Variants in CDK14 observed in about 807,000 individuals in gnomAD.
The protein encoded by CDK14 is cyclin dependent kinase 14.
CDK14 carries 34 observed loss-of-function variants against 60.7 expected under a neutral mutation model. That is an observed-to-expected ratio of 0.56 (90% CI 0.43 to 0.75). The LOEUF is 0.75. CDK14 is among the 30% of genes least tolerant of loss of function. CDK14 has a pLI of 0.00. For missense variants in CDK14, 482 were observed against 564.1 expected (o/e 0.85, Z 1.47); for synonymous variants, 197 against 203.7 (o/e 0.97, Z 0.28).
intron 9 of CDK14, among the ~76,000 whole-genome samples, chr7:90,956,591 G>A (rs1794419741): frequency 6.6e-6 from 1 of 151,970 alleles, no homozygotes; most frequent in Admixed American, 6.6e-5. Flanking sequence ...CATAGCACAT[G>A]GCTATTTTTT....
chr7:90,863,366 A>G (rs1189983004), intron 6 of CDK14, 97 bp downstream of exon 6: 1 of 622,226 alleles, frequency 1.6e-6, no homozygotes, highest in Non-Finnish European at 2.8e-6. Context: ...GCTGTACTGA[A>G]GTTAATATTT....
chr7:91,170,769 CTT>C (rs1327491575), intron 14 of CDK14, among the ~76,000 whole-genome samples: 7 of 123,952 alleles, frequency 5.6e-5, no homozygotes, highest in Non-Finnish European at 6.9e-5. Context: ...TTTTTTTTTT[CTT>C]TTTTTTTTTT....
chr7:90,700,664 T>G (rs758435710), intron 2 of CDK14, among the ~76,000 whole-genome samples: 2 of 152,306 alleles, frequency 1.3e-5, no homozygotes, highest in South Asian at 4.1e-4. Context: ...TGGATATACA[T>G]GCATCTCCAA....
chr7:91,041,440 C>T (rs1797088669), intron 10 of CDK14, among the ~76,000 whole-genome samples: 1 of 152,146 alleles, frequency 6.6e-6, no homozygotes, highest in South Asian at 2.1e-4. Context: ...CAGAATGAAA[C>T]TCATTGCCCT....
At chr7:90,761,240 C>G (rs556370263) in intron 4 of CDK14, among the ~76,000 whole-genome samples, 10 of 152,056 alleles carry the variant, frequency 6.6e-5, no homozygotes, top group African/African-American at 2.4e-4. Context: ...GGACAGGAGA[C>G]GCTCAATACA....
intron 4 of CDK14, among the ~76,000 whole-genome samples, chr7:90,764,284 A>C (rs773083700): frequency 5.9e-5 from 9 of 152,094 alleles, no homozygotes; most frequent in African/African-American, 2.2e-4. Flanking sequence ...CAAATGACCT[A>C]CTCAGGTGCC....
At chr7:91,189,260 C>T (rs962822026) in intron 14 of CDK14, among the ~76,000 whole-genome samples, 2 of 152,136 alleles carry the variant, frequency 1.3e-5, no homozygotes, top group African/African-American at 4.8e-5. Flanking sequence ...CTTTTCATTA[C>T]GAGTACCAAA....
chr7:91,192,515 A>G (rs1802396161), intron 14 of CDK14, among the ~76,000 whole-genome samples: 2 of 152,272 alleles, frequency 1.3e-5, no homozygotes, highest in South Asian at 4.2e-4. Flanking sequence ...GTTGTCTGCA[A>G]TCCCTTCTGA....
chr7:90,803,839 A>G (rs993032287), intron 5 of CDK14, among the ~76,000 whole-genome samples: 2 of 152,168 alleles, frequency 1.3e-5, no homozygotes, highest in Non-Finnish European at 2.9e-5. Context: ...TGATGTTACC[A>G]TCTTCATTTT....
chr7:91,162,814 C>T (rs1308299646), intron 14 of CDK14, among the ~76,000 whole-genome samples: 1 of 152,130 alleles, frequency 6.6e-6, no homozygotes, highest in Non-Finnish European at 1.5e-5. Flanking sequence ...GTAAGCGATC[C>T]ATAAACTTTA....
intron 14 of CDK14, among the ~76,000 whole-genome samples, chr7:91,167,948 A>G (rs1801395156): frequency 1.3e-5 from 2 of 152,184 alleles, no homozygotes; most frequent in Non-Finnish European, 2.9e-5. Flanking sequence ...TATATTTTGG[A>G]AGAGGGTGCT....
chr7:90,782,493 A>G (rs989458563), intron 4 of CDK14, among the ~76,000 whole-genome samples: 1 of 152,128 alleles, frequency 6.6e-6, no homozygotes, highest in Non-Finnish European at 1.5e-5. Context: ...TTATTTTACT[A>G]ATGCACAAGT....
At chr7:90,740,519 G>T (rs1803303652) in intron 3 of CDK14, among the ~76,000 whole-genome samples, 1 of 151,938 alleles carries the variant, frequency 6.6e-6, no homozygotes, top group Admixed American at 6.6e-5. Context: ...CCATCAACCA[G>T]AGGGAAGGCC....
chr7:90,743,783 GCTATCAATACTA>G (rs1284752214), intron 3 of CDK14, among the ~76,000 whole-genome samples: 1 of 151,818 alleles, frequency 6.6e-6, no homozygotes, highest in Non-Finnish European at 1.5e-5. Context: ...TGTTTTGTCT[GCTATCAATACTA>G]CTATAGGTAT....
chr7:91,198,242 T>C (rs1384926348), intron 14 of CDK14, among the ~76,000 whole-genome samples: 1 of 152,214 alleles, frequency 6.6e-6, no homozygotes, highest in East Asian at 1.9e-4. Flanking sequence ...ACAGTAAAAG[T>C]TGCAGGGCTT....
At chr7:91,056,274 T>C (rs1797552484) in intron 11 of CDK14, among the ~76,000 whole-genome samples, 1 of 152,082 alleles carries the variant, frequency 6.6e-6, no homozygotes, top group Admixed American at 6.6e-5. Flanking sequence ...CTATGAGAGA[T>C]TCGTGACTAA....
intron 14 of CDK14, among the ~76,000 whole-genome samples, chr7:91,154,424 T>G (rs533004467): frequency 1.3e-5 from 2 of 152,278 alleles, no homozygotes; most frequent in African/African-American, 4.8e-5. Context: ...TTGCTAATTA[T>G]ATCCTTAAGA....
At chr7:90,669,728 A>T (rs906892153) in intron 2 of CDK14, among the ~76,000 whole-genome samples, 3 of 152,168 alleles carry the variant, frequency 2.0e-5, no homozygotes, top group Non-Finnish European at 4.4e-5. Flanking sequence ...CAGCTGAAAT[A>T]GTTGTGACTG....
chr7:91,093,366 A>G (rs1337617468), intron 12 of CDK14, among the ~76,000 whole-genome samples: 1 of 152,224 alleles, frequency 6.6e-6, no homozygotes, highest in Non-Finnish European at 1.5e-5. Flanking sequence ...AACAGGAACC[A>G]ATCATGGTGG....
Sources: gnomAD v4.1 joint callset for allele counts (sites outside exome capture counted in the v4.1 genomes callset) on GRCh38, gnomAD v4.1.1 for gene constraint, MANE v1.5 for transcripts, NCBI Gene and HGNC (gene_info 2026-07-23, HGNC 2026-07-21) for gene names.